The following RBFOX1 variants were observed in gnomAD, a reference collection of about 807,000 sequenced individuals.
RBFOX1 encodes RNA binding fox-1 homolog 1.
A neutral mutation model predicts 57.7 loss-of-function variants in RBFOX1; 8 were observed. That is an observed-to-expected ratio of 0.14 (90% CI 0.08 to 0.25). The LOEUF (loss-of-function observed/expected upper bound fraction) is 0.25, where lower values mean the gene tolerates loss of function less well. RBFOX1 is among the 10% of genes least tolerant of loss of function. RBFOX1 has a pLI of 1.00. For synonymous variants in RBFOX1, 326 were observed against 222.4 expected (o/e 1.47, Z -4.15); for missense variants, 611 against 548.5 (o/e 1.11, Z -1.14).
intron 3 of RBFOX1, among the ~76,000 whole-genome samples, chr16:5,659,729 A>C (rs764392156): frequency 6.6e-6 from 1 of 152,168 alleles, no homozygotes; most frequent in Non-Finnish European, 1.5e-5. Flanking sequence ...TCTAACTGAT[A>C]AGTTAAAGAG....
At chr16:7,222,006 C>A (rs1325618265) in intron 4 of RBFOX1, among the ~76,000 whole-genome samples, 1 of 152,308 alleles carries the variant, frequency 6.6e-6, no homozygotes, top group African/African-American at 2.4e-5. Context: ...TTTATTTTTA[C>A]CATTATTAGC....
chr16:6,795,729 G>A (rs1030896208), intron 3 of RBFOX1, among the ~76,000 whole-genome samples: 18 of 150,908 alleles, frequency 1.2e-4, no homozygotes, highest in Non-Finnish European at 2.2e-4. Flanking sequence ...TTGCACCACT[G>A]CACTCTAGCC....
intron 5 of RBFOX1, among the ~76,000 whole-genome samples, chr16:7,563,926 T>C (rs1193535302): frequency 6.6e-6 from 1 of 152,130 alleles, no homozygotes; most frequent in Non-Finnish European, 1.5e-5. Context: ...GCCTGATGTA[T>C]AGTAGGTGCT....
At chr16:6,853,530 G>A (rs557136837) in intron 3 of RBFOX1, among the ~76,000 whole-genome samples, 1 of 152,076 alleles carries the variant, frequency 6.6e-6, no homozygotes, top group African/African-American at 2.4e-5. Context: ...TCTGACAGTG[G>A]TAGATGCTTT....
chr16:7,185,930 C>T (rs1052709383), intron 4 of RBFOX1, among the ~76,000 whole-genome samples: 11 of 152,176 alleles, frequency 7.2e-5, no homozygotes, highest in Non-Finnish European at 1.0e-4. Flanking sequence ...GACTCACTTC[C>T]TGACCCTTTC....
intron 4 of RBFOX1, among the ~76,000 whole-genome samples, chr16:7,195,019 TTAG>T (rs2086342023): frequency 6.6e-6 from 1 of 151,306 alleles, no homozygotes; most frequent in Non-Finnish European, 1.5e-5. Context: ...TGGTTCTTAA[TTAG>T]TTGTTTATTG....
intron 3 of RBFOX1, among the ~76,000 whole-genome samples, chr16:6,865,406 T>G (rs983113814): frequency 1.3e-5 from 2 of 152,154 alleles, no homozygotes; most frequent in African/African-American, 4.8e-5. Context: ...AAATCATTTC[T>G]AATTTTACCA....
At chr16:5,898,174 G>T (rs1452518752) in intron 4 of RBFOX1, among the ~76,000 whole-genome samples, 1 of 152,136 alleles carries the variant, frequency 6.6e-6, no homozygotes, top group Middle Eastern at 3.2e-3. Flanking sequence ...AAAACCATCA[G>T]ATCTTGTGAG....
At chr16:6,851,665 G>T (rs2094072727) in intron 3 of RBFOX1, among the ~76,000 whole-genome samples, 1 of 152,202 alleles carries the variant, frequency 6.6e-6, no homozygotes, top group South Asian at 2.1e-4. Context: ...AAGGCTCTAG[G>T]GTCGAGAAGA....
intron 1 of RBFOX1, among the ~76,000 whole-genome samples, chr16:6,269,228 G>C (rs1307861607): frequency 6.6e-6 from 1 of 152,132 alleles, no homozygotes; most frequent in African/African-American, 2.4e-5. Flanking sequence ...GAATATGTAA[G>C]TAGTAAATAG....
At chr16:7,458,631 C>T (rs899396624) in intron 4 of RBFOX1, among the ~76,000 whole-genome samples, 1 of 152,104 alleles carries the variant, frequency 6.6e-6, no homozygotes, top group Non-Finnish European at 1.5e-5. Context: ...GGAATATATT[C>T]CCCTTAAGGT....
At chr16:6,052,832 A>ATAT (rs1555488834) in intron 1 of RBFOX1, among the ~76,000 whole-genome samples, 1 of 137,474 alleles carries the variant, frequency 7.3e-6, no homozygotes, top group African/African-American at 2.5e-5. Flanking sequence ...AATAATAATA[A>ATAT]TAATATTAAT....
intron 2 of RBFOX1, among the ~76,000 whole-genome samples, chr16:6,465,135 T>C (rs566450842): frequency 5.9e-5 from 9 of 152,358 alleles, no homozygotes; most frequent in African/African-American, 1.9e-4. Context: ...TTATTATTAA[T>C]CTCCATTTTC....
chr16:5,820,057 C>A (rs1356836142), intron 3 of RBFOX1, among the ~76,000 whole-genome samples: 1 of 152,226 alleles, frequency 6.6e-6, no homozygotes, highest in African/African-American at 2.4e-5. Context: ...ACTGCACACT[C>A]ACTGTGTCTG....
At chr16:5,658,878 T>A (rs1292654583) in intron 3 of RBFOX1, among the ~76,000 whole-genome samples, 1 of 145,748 alleles carries the variant, frequency 6.9e-6, no homozygotes, top group African/African-American at 2.5e-5. Context: ...TATGTATAAA[T>A]ATATATATAT....
At chr16:6,626,682 C>T (rs1286533226) in intron 2 of RBFOX1, among the ~76,000 whole-genome samples, 3 of 152,044 alleles carry the variant, frequency 2.0e-5, no homozygotes, top group East Asian at 1.9e-4. Flanking sequence ...ATTGCTTGAA[C>T]CCGGGAGACA....
chr16:5,937,593 TAC>T (rs1567167630), intron 4 of RBFOX1, among the ~76,000 whole-genome samples: 1 of 150,804 alleles, frequency 6.6e-6, no homozygotes, highest in Non-Finnish European at 1.5e-5. Context: ...AACTATATGA[TAC>T]AGTTTTATAT....
intron 3 of RBFOX1, among the ~76,000 whole-genome samples, chr16:6,857,393 A>T (rs545442036): frequency 3.3e-5 from 5 of 152,048 alleles, no homozygotes; most frequent in Admixed American, 2.6e-4. Context: ...TCTCCATCCT[A>T]CGAAGCATGG....
At chr16:5,693,528 C>A (rs1021456783) in intron 3 of RBFOX1, among the ~76,000 whole-genome samples, 5 of 151,732 alleles carry the variant, frequency 3.3e-5, no homozygotes, top group African/African-American at 9.7e-5. Context: ...TTAAAAAACT[C>A]ATTATATGTT....
Sources: gnomAD v4.1 joint callset for allele counts (sites outside exome capture counted in the v4.1 genomes callset) on GRCh38, gnomAD v4.1.1 for gene constraint, MANE v1.5 for transcripts, NCBI Gene and HGNC (gene_info 2026-07-23, HGNC 2026-07-21) for gene names.